The following MCTP1 variants were observed in gnomAD, a reference collection of about 807,000 sequenced individuals.
MCTP1 encodes the protein multiple C2 and transmembrane domain-containing protein 1.
A neutral mutation model predicts 120.6 loss-of-function variants in MCTP1; 69 were observed. The ratio of observed to expected loss-of-function variants is 0.57; its 90% confidence interval spans 0.47 to 0.70. The LOEUF (loss-of-function observed/expected upper bound fraction) is 0.70, where lower values mean the gene tolerates loss of function less well. Ranked by LOEUF, MCTP1 falls within the 30% of genes least tolerant of loss-of-function variation. The probability of loss-of-function intolerance (pLI) is 0.00; values close to 1 mark genes in which losing one functional copy is unlikely to be tolerated. For missense variants in MCTP1, 1,203 were observed against 1,248.8 expected (o/e 0.96, Z 0.55); for synonymous variants, 529 against 493.1 (o/e 1.07, Z -0.96).
intron 19 of MCTP1, among the ~76,000 whole-genome samples, chr5:94,755,758 C>T (rs773707584): frequency 1.3e-5 from 2 of 152,156 alleles, no homozygotes; most frequent in East Asian, 1.9e-4. Context: ...GAACTGTCCT[C>T]GGCCCTCTTC....
At chr5:94,748,345 G>A (rs1767418063) in intron 19 of MCTP1, among the ~76,000 whole-genome samples, 1 of 152,176 alleles carries the variant, frequency 6.6e-6, no homozygotes, top group Non-Finnish European at 1.5e-5. Context: ...TGGAACTACT[G>A]AAACATTGTC....
intron 1 of MCTP1, among the ~76,000 whole-genome samples, chr5:95,048,110 C>T (rs1247912544): frequency 1.3e-5 from 2 of 152,132 alleles, no homozygotes; most frequent in East Asian, 3.8e-4. Flanking sequence ...TGCTTTTACT[C>T]TCTAACATGT....
chr5:95,218,783 G>A (rs1191482028), intron 1 of MCTP1, among the ~76,000 whole-genome samples: 1 of 152,156 alleles, frequency 6.6e-6, no homozygotes, highest in Non-Finnish European at 1.5e-5. Flanking sequence ...AGGCTGGATG[G>A]TATAGCCTGT....
chr5:94,901,928 A>G (rs969922495), intron 10 of MCTP1, among the ~76,000 whole-genome samples: 6 of 152,166 alleles, frequency 3.9e-5, no homozygotes, highest in Non-Finnish European at 5.9e-5. Context: ...AAGCCTCATC[A>G]GTCTCTAATA....
At chr5:94,765,654 T>G (rs1207623371) in intron 19 of MCTP1, among the ~76,000 whole-genome samples, 1 of 138,264 alleles carries the variant, frequency 7.2e-6, no homozygotes, top group Non-Finnish European at 1.5e-5. Context: ...TGAGCCGAGA[T>G]CATACCACTG....
chr5:95,259,053 A>G (rs540162165), intron 1 of MCTP1, among the ~76,000 whole-genome samples: 1 of 152,324 alleles, frequency 6.6e-6, no homozygotes, highest in East Asian at 1.9e-4. Flanking sequence ...CTATCTACTA[A>G]TGATCAGCAC....
intron 2 of MCTP1, among the ~76,000 whole-genome samples, chr5:94,975,213 T>C (rs149664086): frequency 6.6e-6 from 1 of 152,166 alleles, no homozygotes; most frequent in Non-Finnish European, 1.5e-5. Flanking sequence ...GCATGTGTTA[T>C]GGACTGAATG....
At chr5:94,952,171 C>CAAAAAAAAAAAAAAAAAAAAAA (rs57358026) in intron 3 of MCTP1, among the ~76,000 whole-genome samples, 4 of 87,886 alleles carry the variant, frequency 4.6e-5, no homozygotes, top group Non-Finnish European at 8.7e-5. Flanking sequence ...GACTTTGTCG[C>CAAAAAAAAAAAAAAAAAAAAAA]AAAAAAAAAA....
At chr5:95,027,218 G>A (rs145860410) in intron 1 of MCTP1, among the ~76,000 whole-genome samples, 111 of 152,300 alleles carry the variant, frequency 7.3e-4, no homozygotes, top group African/African-American at 2.6e-3. Context: ...ACCCCACTAC[G>A]TATGTCAGCC....
At chr5:94,973,873 C>T (rs1393777937) in intron 2 of MCTP1, among the ~76,000 whole-genome samples, 1 of 152,028 alleles carries the variant, frequency 6.6e-6, no homozygotes, top group African/African-American at 2.4e-5. Context: ...GCCTGGGTTC[C>T]AATCTCTGCT....
chr5:94,985,121 G>T lies in MCTP1; in HGVS notation c.839-31760C>A, dbSNP rs574536176. Among the ~76,000 whole-genome samples the T allele has an allele frequency of 7.2e-5, 11 of 152,232 alleles. No homozygotes were observed. The South Asian group carries it at 2.3e-3, about 32-fold the overall frequency. ...ATCAGGGAGCAAGTACTCGAGAAAAGATTTTGACCATGGTGATTTTACAAA... is the reference window on the plus strand; with the variant it reads ...ATCAGGGAGCAAGTACTCGAGAAAATATTTTGACCATGGTGATTTTACAAA... On this transcript the variant is annotated intron_variant, in intron 2 of 22. Coordinates refer to ENST00000515393, the MANE Select transcript of MCTP1 (RefSeq NM_024717.7).
At chr5:95,029,116 A>T (rs1426892591) in intron 1 of MCTP1, among the ~76,000 whole-genome samples, 1 of 150,880 alleles carries the variant, frequency 6.6e-6, no homozygotes, top group Non-Finnish European at 1.5e-5. Context: ...AGATCAGGCC[A>T]CTGCACTACA....
At chr5:94,991,116 T>C (rs1423712963) in intron 2 of MCTP1, among the ~76,000 whole-genome samples, 1 of 152,216 alleles carries the variant, frequency 6.6e-6, no homozygotes, top group Non-Finnish European at 1.5e-5. Flanking sequence ...CAATGGTAAA[T>C]CTACAATGCT....
At position 95,199,243 on chromosome 5, in the gene MCTP1, C is replaced by T. The variant is rs868582972; in HGVS notation, c.720+84613G>A. On this transcript the variant is annotated intron_variant, in intron 1 of 22. Transcript: ENST00000515393. ...CACAAATTCCATTTCAATTTGGTAT[C>T]TACCTAATTTTAATGCAATCCAAAA... Among the ~76,000 whole-genome samples, 18 of 152,202 alleles carry T rather than the reference C, an allele frequency of 1.2e-4. No individual in the cohort carries two copies. The South Asian group carries it at 2.3e-3, about 19-fold the overall frequency.
At chr5:94,753,891 C>T (rs2152815447) in intron 19 of MCTP1, among the ~76,000 whole-genome samples, 1 of 151,952 alleles carries the variant, frequency 6.6e-6, no homozygotes, top group Admixed American at 6.6e-5. Context: ...GTGCACTGGC[C>T]CCCAGGAGAA....
At chr5:95,120,079 A>T (rs1758102977) in intron 1 of MCTP1, among the ~76,000 whole-genome samples, 1 of 149,268 alleles carries the variant, frequency 6.7e-6, no homozygotes, top group Admixed American at 6.7e-5. Context: ...CAGGAGGCTG[A>T]GGCAGGAGAA....
At chr5:94,928,111 G>A (rs556529845) in intron 6 of MCTP1, among the ~76,000 whole-genome samples, 26 of 151,620 alleles carry the variant, frequency 1.7e-4, no homozygotes, top group South Asian at 4.2e-4. Context: ...ATATCATCAC[G>A]ATAATATTTG....
At chr5:95,204,945 A>T (rs949150439) in intron 1 of MCTP1, among the ~76,000 whole-genome samples, 3 of 152,162 alleles carry the variant, frequency 2.0e-5, no homozygotes, top group African/African-American at 7.2e-5. Context: ...TTAACACTCT[A>T]TCAGAATCCC....
chr5:95,276,941 G>T lies in MCTP1; in HGVS notation c.720+6915C>A, dbSNP rs927950558. Among the ~76,000 whole-genome samples the T allele has an allele frequency of 7.2e-5, 11 of 152,032 alleles. No individual in the cohort carries two copies. In the South Asian group the frequency reaches 1.7e-3, roughly 23 times the overall value. ...CACTCCAGCCTGGGCCACAGAGGGA[G>T]ACTCGGTCTCAAAAAACAAACAAAC... On this transcript the variant is annotated intron_variant, in intron 1 of 22. Coordinates refer to ENST00000515393, the MANE Select transcript of MCTP1 (RefSeq NM_024717.7).
Sources: gnomAD v4.1 joint callset for allele counts (sites outside exome capture counted in the v4.1 genomes callset) on GRCh38, gnomAD v4.1.1 for gene constraint, MANE v1.5 for transcripts, NCBI Gene and HGNC (gene_info 2026-07-23, HGNC 2026-07-21) for gene names.